TSN: variants seen among roughly 807,000 people sequenced by gnomAD.
TSN encodes the protein translin, also known as component 3 of promoter of RISC.
A neutral mutation model predicts 29.4 loss-of-function variants in TSN; 5 were observed. The observed-to-expected ratio is 0.17, with a 90% CI of 0.09 to 0.36. TSN has a LOEUF of 0.36. TSN is among the 10% of genes least tolerant of loss of function. The probability of loss-of-function intolerance (pLI) is 1.00; values close to 1 mark genes in which losing one functional copy is unlikely to be tolerated. For missense variants in TSN, 159 were observed against 272.8 expected (o/e 0.58, Z 2.94); for synonymous variants, 106 against 102.2 (o/e 1.04, Z -0.23).
intron 3 of TSN, among the ~76,000 whole-genome samples, chr2:121,760,832 G>C (rs1266348780): frequency 6.7e-6 from 1 of 149,430 alleles, no homozygotes; most frequent in Non-Finnish European, 1.5e-5. Context: ...AGGCACAATT[G>C]CTCTTGTCAT....
intron 3 of TSN, among the ~76,000 whole-genome samples, chr2:121,759,238 T>G (rs2074788453): frequency 6.6e-6 from 1 of 152,222 alleles, no homozygotes; most frequent in Non-Finnish European, 1.5e-5. Context: ...GTTTTCTTAT[T>G]AAAATCAACA....
intron 4 of TSN, 134 bp downstream of exon 4, chr2:121,761,658 CTG>C: frequency 1.5e-6 from 1 of 687,790 alleles, no homozygotes; most frequent in South Asian, 1.8e-5. Context: ...AGCTTGGTAT[CTG>C]AGGATGATGC....
At chr2:121,756,048 C>T in intron 1 of TSN, 1 of 1,119,146 alleles carries the variant, frequency 8.9e-7, no homozygotes, top group Non-Finnish European at 1.2e-6. Context: ...CGAGTCTCAG[C>T]TTCTCAGCAT....
Position 121,766,563 on chromosome 2 carries a change from T to G in TSN, c.*1196T>G, listed in dbSNP as rs939952183. ...AACAGTCATGTTTTAAATGTACAGT[T>G]TGGGGCAAGTCATGTAAATACTGTT... On this transcript the variant is annotated 3_prime_UTR_variant, in exon 6 of 6. Transcript: ENST00000389682. The G allele has an allele frequency of 2.0e-5, 3 of 152,182 alleles. No homozygotes were observed. The highest frequency in any genetic ancestry group is 4.4e-5 in the Non-Finnish European group (3 of 68,026). 9.4% of individuals were successfully genotyped at this position (152,182 alleles called of 1,614,324 possible). A position where few individuals can be genotyped will look rare whatever the true frequency, so the allele number is the denominator to read the frequency against.
intron 2 of TSN, among the ~76,000 whole-genome samples, chr2:121,758,314 G>C (rs535415127): frequency 7.9e-5 from 12 of 152,278 alleles, no homozygotes; most frequent in Admixed American, 7.8e-4. Context: ...TAATGATACG[G>C]AGTTGGTCAT....
intron 3 of TSN, among the ~76,000 whole-genome samples, 179 bp from the exon 4 acceptor site, chr2:121,761,230 T>C (rs533356013): frequency 6.6e-6 from 1 of 152,356 alleles, no homozygotes; most frequent in East Asian, 1.9e-4. Flanking sequence ...TTAATTGTTA[T>C]AAATTCGAAC....
At chr2:121,755,893 G>A (rs1230808416) in intron 1 of TSN, 48 bp downstream of exon 1, 2 of 1,611,908 alleles carry the variant, frequency 1.2e-6, no homozygotes, top group South Asian at 2.2e-5. Context: ...ATGCCTAGTT[G>A]GGCCACTTCG....
chr2:121,757,491 C>T, intron 2 of TSN, 158 bp downstream of exon 2: 1 of 1,381,304 alleles, frequency 7.2e-7, no homozygotes, highest in Non-Finnish European at 9.9e-7. Context: ...TTTTCTTCCA[C>T]TTCCACACAG....
intron 4 of TSN, among the ~76,000 whole-genome samples, chr2:121,762,779 A>T (rs1317493541): frequency 1.3e-5 from 2 of 152,212 alleles, no homozygotes; most frequent in Non-Finnish European, 2.9e-5. Context: ...ACAACTAGAT[A>T]CTGTTTTTGA....
chr2:121,765,090 G>C (rs372915089), intron 5 of TSN, 44 bp from the exon 6 acceptor site: 1 of 1,581,026 alleles, frequency 6.3e-7, no homozygotes, highest in Non-Finnish European at 8.7e-7. Flanking sequence ...CGCTGAGAAG[G>C]AGCCATGTTG....
intron 1 of TSN, 148 bp from the exon 2 acceptor site, chr2:121,757,092 C>A: frequency 1.4e-6 from 1 of 707,664 alleles, no homozygotes; most frequent in Non-Finnish European, 2.3e-6. Context: ...TTTTTAGTGA[C>A]TTTTTGAAGT....
At chr2:121,763,850 G>T (rs963765606) in intron 5 of TSN, among the ~76,000 whole-genome samples, 1 of 152,174 alleles carries the variant, frequency 6.6e-6, no homozygotes, top group African/African-American at 2.4e-5. Flanking sequence ...GTCTGCAGAG[G>T]TGAAAATATT....
chr2:121,764,139 A>G (rs949283866), intron 5 of TSN, among the ~76,000 whole-genome samples: 1 of 152,164 alleles, frequency 6.6e-6, no homozygotes, highest in Non-Finnish European at 1.5e-5. Context: ...GGAGGCAGAA[A>G]TGGAGTCTAT....
In TSN at chr2:121,766,287, G is replaced by A. The variant is rs551449554; in HGVS notation, c.*920G>A. ...AGAGAAAAATGCTTTGCTTTGTCTGGAAGAAAGATAAAATAGTGAATTATA... is the reference window on the plus strand; with the variant it reads ...AGAGAAAAATGCTTTGCTTTGTCTGAAAGAAAGATAAAATAGTGAATTATA... On this transcript the variant is annotated 3_prime_UTR_variant, in exon 6 of 6. Coordinates refer to ENST00000389682, the MANE Select transcript of TSN (RefSeq NM_004622.3). 1 of 152,294 alleles carries A rather than the reference G, an allele frequency of 6.6e-6. No homozygotes were observed. Among genetic ancestry groups the A allele is most frequent in the East Asian group, 1.9e-4 (1 of 5,186 alleles). The allele number at this position is 152,294 out of a possible 1,614,324, so 9.4% of individuals were successfully genotyped here.
At chr2:121,758,015 T>TTGTG (rs963979931) in intron 2 of TSN, among the ~76,000 whole-genome samples, 9 of 150,248 alleles carry the variant, frequency 6.0e-5, no homozygotes, top group Admixed American at 3.3e-4. Flanking sequence ...ATTTGGCCCT[T>TTGTG]TGTGTGTGTG....
chr2:121,757,330 G>A lies in TSN; in HGVS notation c.157G>A (p.Asp53Asn). 1.2e-6 allele frequency: 2 copies of A among 1,614,076 alleles called. No individual in the cohort carries two copies. The highest frequency in any genetic ancestry group is 1.7e-6 in the Non-Finnish European group (2 of 1,179,966). The change falls in exon 2 of 6, where the codon GAC becomes AAC. Residue 53 changes from aspartate to asparagine, a missense_variant. Coordinates refer to ENST00000389682, the MANE Select transcript of TSN (RefSeq NM_004622.3). Reference protein sequence around the residue: ...QGVHQGAGFQDIPKRCLKARE... With the variant: ...QGVHQGAGFQNIPKRCLKARE... The stretch of plus-strand genomic sequence containing the variant: ...GGTCCATCAGGGTGCTGGGTTTCAG[G>A]ACAGTAAGTTCTTTGTTTTGTATCC...
intron 5 of TSN, 42 bp from the exon 6 acceptor site, chr2:121,765,092 G>A: frequency 1.3e-6 from 2 of 1,586,594 alleles, no homozygotes; most frequent in Non-Finnish European, 1.7e-6. Context: ...CTGAGAAGGA[G>A]CCATGTTGTA....
intron 5 of TSN, among the ~76,000 whole-genome samples, chr2:121,763,388 G>A (rs1012946222): frequency 6.6e-5 from 10 of 152,004 alleles, no homozygotes; most frequent in East Asian, 1.9e-4. Flanking sequence ...CTCGTGATCC[G>A]CCCACCTTGG....
At chr2:121,756,339 C>G (rs2074747554) in intron 1 of TSN, 1 of 246,586 alleles carries the variant, frequency 4.1e-6, no homozygotes, top group Non-Finnish European at 8.4e-6. Flanking sequence ...AAATAGCTTC[C>G]TGCCTGTTTG....
Sources: allele counts gnomAD v4.1 joint callset (sites outside exome capture counted in the v4.1 genomes callset), GRCh38; gene constraint gnomAD v4.1.1; transcripts MANE v1.5; gene names NCBI Gene and HGNC (gene_info 2026-07-23, HGNC 2026-07-21).